RCC1: variants seen among roughly 807,000 people sequenced by gnomAD.
RCC1 encodes regulator of chromosome condensation 1.
Under a neutral mutation model 44.4 loss-of-function variants are expected in RCC1, and 11 were observed. The observed-to-expected ratio is 0.25, with a 90% confidence interval of 0.16 to 0.41. The LOEUF (loss-of-function observed/expected upper bound fraction) is 0.41, where lower values mean the gene tolerates loss of function less well. Ranked by LOEUF, RCC1 falls within the 10% of genes least tolerant of loss-of-function variation. The probability of loss-of-function intolerance (pLI) is 1.00; values close to 1 mark genes in which losing one functional copy is unlikely to be tolerated. For synonymous variants in RCC1, 213 were observed against 216.5 expected (o/e 0.98, Z 0.14); for missense variants, 386 against 547.1 (o/e 0.71, Z 2.94).
intron 4 of RCC1, among the ~76,000 whole-genome samples, chr1:28,517,721 C>T (rs1003794758): frequency 6.6e-6 from 1 of 152,092 alleles, no homozygotes; most frequent in Non-Finnish European, 1.5e-5. Flanking sequence ...ACCCTCTACT[C>T]CCATCTACTT....
Position 28,535,847 on chromosome 1 carries a change from C to T in RCC1, c.662-24C>T, listed in dbSNP as rs748529152. The T allele has an allele frequency of 5.6e-6, 9 of 1,603,782 alleles. No homozygotes were observed. The South Asian group carries it at 1.0e-4, about 18-fold the overall frequency. On this transcript the variant is annotated intron_variant, in intron 9 of 12. Coordinates refer to ENST00000683442, the MANE Select transcript of RCC1 (RefSeq NM_001381865.2). ...GCCATGTGTGTCTGTCTGTCACTGA[C>T]CGTGGCTTTCCCTTTGCCTGCAGAA...
chr1:28,527,777 A>G (rs1021424559), intron 4 of RCC1, among the ~76,000 whole-genome samples: 4 of 150,440 alleles, frequency 2.7e-5, no homozygotes, highest in African/African-American at 9.8e-5. Context: ...TGGGAGGCCA[A>G]GGTGGGTGGA....
At chr1:28,512,259 A>G (rs1017697163) in intron 3 of RCC1, among the ~76,000 whole-genome samples, 3 of 96,464 alleles carry the variant, frequency 3.1e-5, no homozygotes, top group Non-Finnish European at 6.2e-5. Flanking sequence ...CTTAACCACT[A>G]TCCTCACCTC....
chr1:28,537,740 C>T (rs2124673296), intron 12 of RCC1, 92 bp from the exon 13 acceptor site: 1 of 1,346,832 alleles, frequency 7.4e-7, no homozygotes, highest in East Asian at 2.5e-5. Flanking sequence ...TGGCCAAGGC[C>T]ACAGTCCACG....
chr1:28,524,542 G>A (rs1048747855), intron 4 of RCC1, among the ~76,000 whole-genome samples: 2 of 152,110 alleles, frequency 1.3e-5, no homozygotes, highest in African/African-American at 4.8e-5. Flanking sequence ...AGGTGACAGA[G>A]TGAGACCCCC....
At chr1:28,516,161 C>T (rs1296644641) in intron 3 of RCC1, among the ~76,000 whole-genome samples, 3 of 151,336 alleles carry the variant, frequency 2.0e-5, no homozygotes, top group East Asian at 1.9e-4. Flanking sequence ...CTAGCCTGGG[C>T]GGGTCAGGAG....
At chr1:28,532,769 T>C (rs1421975508) in intron 7 of RCC1, 4 of 452,428 alleles carry the variant, frequency 8.8e-6, no homozygotes, top group South Asian at 1.6e-5. Flanking sequence ...TACAGAGGAG[T>C]GTAGTTGAAA....
chr1:28,521,501 G>GA (rs71586849), intron 4 of RCC1, among the ~76,000 whole-genome samples: 8,598 of 55,868 alleles, frequency 0.15, 408 homozygotes, highest in Middle Eastern at 0.4. Flanking sequence ...CTCCACCTCA[G>GA]AAAAAAAAAA....
At chr1:28,507,451 C>G (rs745587536) in intron 1 of RCC1, 1 of 519,104 alleles carries the variant, frequency 1.9e-6, no homozygotes, top group Non-Finnish European at 3.8e-6. Flanking sequence ...CCATGATGTA[C>G]AAGTCCCTTT....
intron 4 of RCC1, chr1:28,527,162 C>A: frequency 7.9e-7 from 1 of 1,263,532 alleles, no homozygotes. Context: ...CAGAAATGCC[C>A]CCAAGGAATG....
At chr1:28,528,004 T>C (rs1021144115) in intron 4 of RCC1, among the ~76,000 whole-genome samples, 1 of 123,524 alleles carries the variant, frequency 8.1e-6, no homozygotes, top group Non-Finnish European at 1.6e-5. Flanking sequence ...AACAAAACTC[T>C]GCTTCAAAAA....
At chr1:28,512,481 T>C (rs1279239876) in intron 3 of RCC1, among the ~76,000 whole-genome samples, 1 of 152,190 alleles carries the variant, frequency 6.6e-6, no homozygotes, top group Non-Finnish European at 1.5e-5. Flanking sequence ...GCTGATTTAA[T>C]TTTTCTGTGT....
intron 3 of RCC1, chr1:28,510,611 CT>C (rs1190025025): frequency 6.6e-6 from 1 of 152,192 alleles, no homozygotes; most frequent in Non-Finnish European, 1.5e-5. Context: ...AAAAAGGCAT[CT>C]TCCTAAAGCA....
chr1:28,528,846 T>C (rs1663885889), intron 4 of RCC1, among the ~76,000 whole-genome samples: 1 of 130,346 alleles, frequency 7.7e-6, no homozygotes, highest in African/African-American at 3.5e-5. Context: ...TTTTCTTCCT[T>C]TTTTTTTTTT....
intron 7 of RCC1, among the ~76,000 whole-genome samples, chr1:28,534,668 A>G (rs1292752687): frequency 6.6e-6 from 1 of 152,054 alleles, no homozygotes; most frequent in Non-Finnish European, 1.5e-5. Context: ...TTTTGTAGGG[A>G]CGGGGTTTCA....
intron 4 of RCC1, among the ~76,000 whole-genome samples, chr1:28,520,435 G>A (rs1477363968): frequency 2.6e-5 from 4 of 152,168 alleles, no homozygotes; most frequent in Non-Finnish European, 5.9e-5. Flanking sequence ...AAATAAGGAA[G>A]GTGAGGTGGG....
In RCC1 at chr1:28,536,881, T is replaced by C. The variant is rs532359868; in HGVS notation, c.1072T>C (p.Tyr358His). ...GGTGGCTTGTGGGGCCTCTGTGGGG[T>C]ATGCTGTGACCAAGGATGGTGAGTG... ...SSVACGASVGYAVTKDGRVFA... is the reference protein window; with the variant it reads ...SSVACGASVGHAVTKDGRVFA... Residue 358 changes from tyrosine (Y) to histidine (H), a missense_variant, in exon 12 of 13, where the codon TAT becomes CAT. By Grantham distance (83) the Tyr-to-His change is moderately conservative. Coordinates refer to ENST00000683442, the MANE Select transcript of RCC1 (RefSeq NM_001381865.2). This position sits in a 1 kb window ranked among gnomAD's most constrained non-coding sequence, Gnocchi z 4.9. 5.6e-6 allele frequency: 9 copies of C among 1,613,886 alleles called. No individual in the cohort carries two copies. In the South Asian group the frequency reaches 8.8e-5, roughly 16 times the overall value.
Position 28,535,970 on chromosome 1 carries a change from C to T in RCC1, c.761C>T (p.Ala254Val). 6.2e-7 allele frequency: 1 copy of T among 1,614,134 alleles called. No homozygotes were observed. Among genetic ancestry groups the T allele is most frequent in the Non-Finnish European group, 8.5e-7 (1 of 1,180,010 alleles). The part of the protein sequence containing the change: ...DAFCGAYFTF[A>V]ISHEGHVYGF... ...TTTTGTGGTGCCTATTTCACCTTTG[C>T]CATCTCCCATGAGGGCCACGTGTAC... is the stretch of plus-strand genomic sequence containing the variant. Residue 254 changes from alanine to valine, a missense_variant, in exon 10 of 13, where the codon GCC (alanine) becomes GTC (valine). Transcript: ENST00000683442.
chr1:28,534,471 C>T (rs1418270126), intron 7 of RCC1, among the ~76,000 whole-genome samples: 1 of 152,096 alleles, frequency 6.6e-6, no homozygotes, highest in Admixed American at 6.5e-5. Flanking sequence ...TGAGCCACCG[C>T]GCCCGGCCTC....
Sources: allele counts gnomAD v4.1 joint callset (sites outside exome capture counted in the v4.1 genomes callset), GRCh38; gene constraint gnomAD v4.1.1; non-coding constraint Gnocchi (gnomAD v3.1); transcripts MANE v1.5; gene names NCBI Gene and HGNC (gene_info 2026-07-23, HGNC 2026-07-21).